The following CALN1 variants were observed in gnomAD, a reference collection of about 807,000 sequenced individuals.
CALN1 encodes calneuron 1, also known as calcium-binding protein 8.
In CALN1, 17 loss-of-function variants were observed where a neutral mutation model predicts 30.6. That is an observed-to-expected ratio of 0.56 (90% CI 0.38 to 0.83). The LOEUF (loss-of-function observed/expected upper bound fraction) is 0.83. Ranked by LOEUF, CALN1 falls within the 40% of genes least tolerant of loss-of-function variation. CALN1 has a pLI of 0.00. For missense variants in CALN1, 291 were observed against 354.9 expected, an observed-to-expected ratio of 0.82 and a Z score of 1.45; for synonymous variants, 156 against 131.4, an observed-to-expected ratio of 1.19 and a Z score of -1.28.
intron 5 of CALN1, among the ~76,000 whole-genome samples, chr7:71,957,525 T>C (rs1797020770): frequency 6.6e-6 from 1 of 152,234 alleles, no homozygotes; most frequent in Admixed American, 6.5e-5. Flanking sequence ...CATTACGATC[T>C]GTCGCCTGTA....
intron 5 of CALN1, among the ~76,000 whole-genome samples, chr7:71,923,768 C>CT (rs150122054): frequency 0.12 from 17,614 of 150,356 alleles, 1,333 homozygotes; most frequent in Admixed American, 0.16. Flanking sequence ...CACAGATGCA[C>CT]TTTTTTAGAG....
chr7:72,440,388 A>C (rs533513093), intron 1 of CALN1, among the ~76,000 whole-genome samples: 12 of 152,312 alleles, frequency 7.9e-5, no homozygotes, highest in African/African-American at 2.6e-4. Flanking sequence ...TTATATTCTT[A>C]TACAGTTTTA....
intron 3 of CALN1, among the ~76,000 whole-genome samples, chr7:72,249,415 C>T (rs1795398488): frequency 6.6e-6 from 1 of 152,096 alleles, no homozygotes; most frequent in Non-Finnish European, 1.5e-5. Context: ...GAAACTTGCC[C>T]AAGATCACAT....
intron 3 of CALN1, among the ~76,000 whole-genome samples, chr7:72,122,602 C>A (rs982328957): frequency 1.3e-5 from 2 of 151,982 alleles, no homozygotes; most frequent in Non-Finnish European, 2.9e-5. Flanking sequence ...GGCACATGCC[C>A]GAAGTCCAAG....
chr7:72,230,619 C>T (rs762268921), intron 3 of CALN1, among the ~76,000 whole-genome samples: 1 of 152,048 alleles, frequency 6.6e-6, no homozygotes, highest in South Asian at 2.1e-4. Flanking sequence ...CTAAGGAATG[C>T]AGGCAGACTC....
At chr7:72,231,411 G>A (rs1794091224) in intron 3 of CALN1, among the ~76,000 whole-genome samples, 1 of 152,184 alleles carries the variant, frequency 6.6e-6, no homozygotes, top group Non-Finnish European at 1.5e-5. Context: ...GCATTAGACT[G>A]CTGAGGATAA....
intron 3 of CALN1, among the ~76,000 whole-genome samples, chr7:72,139,577 G>A (rs954518281): frequency 2.8e-4 from 39 of 141,764 alleles, no homozygotes; most frequent in African/African-American, 1.0e-3. Flanking sequence ...TACCCACATC[G>A]GCCACACCCC....
intron 3 of CALN1, among the ~76,000 whole-genome samples, chr7:72,175,595 AG>A (rs1273394161): frequency 6.6e-6 from 1 of 152,144 alleles, no homozygotes; most frequent in East Asian, 1.9e-4. Flanking sequence ...TTTCCTAACC[AG>A]GAAGAATAAT....
intron 3 of CALN1, among the ~76,000 whole-genome samples, chr7:72,253,883 G>T (rs1435410167): frequency 1.3e-5 from 2 of 152,202 alleles, no homozygotes; most frequent in Non-Finnish European, 2.9e-5. Flanking sequence ...TGGGACTACA[G>T]GGGTCTGCCA....
At chr7:72,110,553 C>G (rs1455470231) in intron 3 of CALN1, among the ~76,000 whole-genome samples, 1 of 151,982 alleles carries the variant, frequency 6.6e-6, no homozygotes, top group Non-Finnish European at 1.5e-5. Flanking sequence ...TCTTTATTCT[C>G]TATTTGCATA....
At chr7:72,396,522 G>A (rs1453501016) in intron 2 of CALN1, among the ~76,000 whole-genome samples, 2 of 152,104 alleles carry the variant, frequency 1.3e-5, no homozygotes, top group African/African-American at 4.8e-5. Flanking sequence ...GACGGAGGAG[G>A]TATAATTGAT....
chr7:72,206,018 C>G (rs1201993276), intron 3 of CALN1, among the ~76,000 whole-genome samples: 1 of 152,138 alleles, frequency 6.6e-6, no homozygotes, highest in East Asian at 1.9e-4. Context: ...ACTGGTCTCC[C>G]TGCTTTCATA....
At chr7:72,343,695 TGAA>T (rs1339503277) in intron 2 of CALN1, among the ~76,000 whole-genome samples, 5 of 152,162 alleles carry the variant, frequency 3.3e-5, no homozygotes, top group African/African-American at 9.7e-5. Flanking sequence ...ACAGGTTAAT[TGAA>T]GAAGAAGCTA....
chr7:72,145,298 G>C (rs890996802), intron 3 of CALN1, among the ~76,000 whole-genome samples: 2 of 152,062 alleles, frequency 1.3e-5, no homozygotes, highest in African/African-American at 2.4e-5. Flanking sequence ...TATCACCACC[G>C]ATCCCACAGA....
chr7:71,801,420 G>GTATCTATC (rs1469408457), intron 6 of CALN1, among the ~76,000 whole-genome samples: 6,230 of 100,196 alleles, frequency 0.062, 196 homozygotes, highest in Non-Finnish European at 0.076. Context: ...ATGTATGTAT[G>GTATCTATC]TATGTATGTA....
chr7:72,392,694 A>C (rs1805652095), intron 2 of CALN1, among the ~76,000 whole-genome samples: 1 of 152,170 alleles, frequency 6.6e-6, no homozygotes, highest in East Asian at 1.9e-4. Flanking sequence ...AATTTGGTAC[A>C]GGTCAATGCA....
At chr7:71,959,806 G>A (rs1797146135) in intron 5 of CALN1, among the ~76,000 whole-genome samples, 7 of 152,042 alleles carry the variant, frequency 4.6e-5, no homozygotes, top group Admixed American at 3.9e-4. Flanking sequence ...CAAACCAAAT[G>A]TGATGTCTCT....
chr7:72,215,065 T>G (rs2903634), intron 3 of CALN1, among the ~76,000 whole-genome samples: 71,954 of 151,804 alleles, frequency 0.47, 18,496 homozygotes, highest in East Asian at 0.99. Flanking sequence ...GGAATGCACA[T>G]GAATCATCCC....
chr7:71,832,107 A>T (rs897012045), intron 5 of CALN1, among the ~76,000 whole-genome samples: 1 of 152,090 alleles, frequency 6.6e-6, no homozygotes, highest in Non-Finnish European at 1.5e-5. Context: ...GAGAATGGTG[A>T]AATTTAAGTT....
Sources: allele counts gnomAD v4.1 joint callset (sites outside exome capture counted in the v4.1 genomes callset), GRCh38; gene constraint gnomAD v4.1.1; transcripts MANE v1.5; gene names NCBI Gene and HGNC (gene_info 2026-07-23, HGNC 2026-07-21).